PYROXD1: variants seen among roughly 807,000 people sequenced by gnomAD.
PYROXD1 encodes pyridine nucleotide-disulphide oxidoreductase domain 1.
Under a neutral mutation model 62.0 loss-of-function variants are expected in PYROXD1, and 42 were observed. The observed-to-expected ratio is 0.68, with a 90% confidence interval of 0.53 to 0.88. The LOEUF (loss-of-function observed/expected upper bound fraction) is 0.88, where lower values mean the gene tolerates loss of function less well. Among genes scored for constraint, PYROXD1 ranks in the 40% least tolerant of loss-of-function variants. The probability of loss-of-function intolerance (pLI) is 0.00; values close to 1 mark genes in which losing one functional copy is unlikely to be tolerated. For missense variants in PYROXD1, 493 were observed against 604.8 expected (o/e 0.82, Z 1.94); for synonymous variants, 170 against 206.4 (o/e 0.82, Z 1.51).
chr12:21,445,769 G>C (rs1942375088), intron 3 of PYROXD1, among the ~76,000 whole-genome samples: 1 of 152,038 alleles, frequency 6.6e-6, no homozygotes, highest in Admixed American at 6.5e-5. Context: ...CGAGGTGTTG[G>C]CTCCTAGGAA....
intron 2 of PYROXD1, chr12:21,441,173 C>T (rs7131809): frequency 0.38 from 58,102 of 152,090 alleles, 11,339 homozygotes; most frequent in Middle Eastern, 0.48. Context: ...CAGGCGCCCG[C>T]AACCATGCCC....
Position 21,454,908 on chromosome 12 carries a change from C to G in PYROXD1, c.489-224C>G, listed in dbSNP as rs561061779. 3 of 314,896 alleles carry G rather than the reference C, an allele frequency of 9.5e-6. No homozygotes were observed. The East Asian group carries it at 1.5e-4, about 16-fold the overall frequency. 19.5% of individuals were successfully genotyped at this position (314,896 alleles called of 1,614,324 possible). Reference sequence around the variant, plus strand: ...TGATATTCAGTACATGTATTTGTCACTTAAAGGTTCTTTCTGTAAACTGCT... The same window carrying G: ...TGATATTCAGTACATGTATTTGTCAGTTAAAGGTTCTTTCTGTAAACTGCT... On this transcript the variant is annotated intron_variant, in intron 5 of 11. Coordinates refer to ENST00000240651, the MANE Select transcript of PYROXD1 (RefSeq NM_024854.5).
At chr12:21,462,672 T>C (rs1403981174) in intron 9 of PYROXD1, 68 bp from the exon 10 acceptor site, 55 of 1,551,120 alleles carry the variant, frequency 3.5e-5, no homozygotes, top group Non-Finnish European at 4.6e-5. Flanking sequence ...ATTTGTTCTT[T>C]TACTTTAAAA....
At chr12:21,462,327 T>C (rs1415115880) in intron 9 of PYROXD1, among the ~76,000 whole-genome samples, 4 of 152,192 alleles carry the variant, frequency 2.6e-5, no homozygotes, top group Non-Finnish European at 2.9e-5. Flanking sequence ...ATAAGCGTCA[T>C]CAGTAATGGT....
chr12:21,456,923 C>T (rs773547349), intron 7 of PYROXD1: 6 of 450,500 alleles, frequency 1.3e-5, no homozygotes, highest in South Asian at 6.3e-5. Flanking sequence ...ACGTTCTTTG[C>T]TCATCCATGA....
At chr12:21,458,081 C>T (rs1002894642) in intron 7 of PYROXD1, among the ~76,000 whole-genome samples, 1 of 152,192 alleles carries the variant, frequency 6.6e-6, no homozygotes, top group Non-Finnish European at 1.5e-5. Context: ...CAGGCATTGA[C>T]TTCTCCTCTA....
chr12:21,469,415 C>T lies in PYROXD1; in HGVS notation c.*661C>T, dbSNP rs1942872073. 1 of 151,196 alleles carries T rather than the reference C, an allele frequency of 6.6e-6. No individual in the cohort carries two copies. Among genetic ancestry groups the T allele is most frequent in the African/African-American group, 2.4e-5 (1 of 41,140 alleles). The allele number at this position is 151,196 out of a possible 1,614,324, so 9.4% of individuals were successfully genotyped here. A position where few individuals can be genotyped will look rare whatever the true frequency, so the allele number is the denominator to read the frequency against. The stretch of plus-strand genomic sequence containing the variant: ...GCTCATCAGCTATCGTCAGTGTTAG[C>T]ATATTTTATGTGCGGCCCAAGACAA... On this transcript the variant is annotated 3_prime_UTR_variant, in exon 12 of 12. Transcript: ENST00000240651.
chr12:21,465,004 A>C (rs571242681), intron 10 of PYROXD1, among the ~76,000 whole-genome samples: 62 of 149,536 alleles, frequency 4.1e-4, no homozygotes, highest in African/African-American at 1.5e-3. Context: ...TGAACTCATC[A>C]TTTTTTATGG....
At position 21,439,605 on chromosome 12, in the gene PYROXD1, T is replaced by TA. The variant is rs200941252; in HGVS notation, c.85-753dup. Among the ~76,000 whole-genome samples, 269 of 151,064 alleles carry TA rather than the reference T, an allele frequency of 1.8e-3. 2 individuals carry two copies. Among genetic ancestry groups the TA allele is most frequent in the African/African-American group, 6.2e-3 (257 of 41,256 alleles). ...CAACATGGCAAGATCCCATCTCCATTAAAAAAAAAATAAATAATCCCTTGG... is the reference window on the plus strand; with the variant it reads ...CAACATGGCAAGATCCCATCTCCATTAAAAAAAAAAATAAATAATCCCTTGG... On this transcript the variant is annotated intron_variant, in intron 1 of 11. Coordinates refer to ENST00000240651, the MANE Select transcript of PYROXD1 (RefSeq NM_024854.5).
chr12:21,452,187 AAATTG>A, intron 5 of PYROXD1, 33 bp downstream of exon 5: 1 of 1,269,664 alleles, frequency 7.9e-7, no homozygotes, highest in Non-Finnish European at 1.0e-6. Flanking sequence ...GATAACATTT[AAATTG>A]TTTAAAAATA....
chr12:21,440,286 G>A, intron 1 of PYROXD1, 82 bp from the exon 2 acceptor site: 2 of 726,526 alleles, frequency 2.8e-6, no homozygotes, highest in South Asian at 3.8e-5. Context: ...TATTAAAATT[G>A]CATTATTCTC....
At chr12:21,448,087 A>G in intron 3 of PYROXD1, 1 of 625,708 alleles carries the variant, frequency 1.6e-6, no homozygotes, top group Non-Finnish European at 3.1e-6. Flanking sequence ...GGGCCACTCA[A>G]CATGGCTTTT....
At chr12:21,456,752 G>C (rs1258886603) in intron 7 of PYROXD1, 2 of 360,766 alleles carry the variant, frequency 5.5e-6, no homozygotes, top group African/African-American at 4.3e-5. Context: ...AGCGTGCGAA[G>C]CTGTTTTATA....
chr12:21,442,845 T>A (rs1942320981), intron 2 of PYROXD1, among the ~76,000 whole-genome samples: 1 of 152,234 alleles, frequency 6.6e-6, no homozygotes, highest in East Asian at 1.9e-4. Context: ...TGATAGCCTC[T>A]GCCTTTCTTT....
Position 21,455,750 on chromosome 12 carries a change from G to A in PYROXD1, c.650-245G>A, listed in dbSNP as rs939846343. On this transcript the variant is annotated intron_variant, in intron 6 of 11. Coordinates refer to ENST00000240651, the MANE Select transcript of PYROXD1 (RefSeq NM_024854.5). The stretch of plus-strand genomic sequence containing the variant: ...AATTTTCTTACCCTTCCAGTTAACC[G>A]TGTAACATCCAAAACGTAAGTTGAG... 4.0e-5 allele frequency among the ~76,000 whole-genome samples: 6 copies of A among 151,896 alleles called. No individual in the cohort carries two copies. In the East Asian group the frequency reaches 5.8e-4, roughly 15 times the overall value.
chr12:21,470,572 A>G lies in PYROXD1; in HGVS notation c.*1818A>G, dbSNP rs1319488802. 4.0e-6 allele frequency: 2 copies of G among 506,232 alleles called. No individual in the cohort carries two copies. Among genetic ancestry groups the G allele is most frequent in the East Asian group, 8.0e-5 (2 of 24,846 alleles). The allele number at this position is 506,232 out of a possible 1,614,324, so 31.4% of individuals were successfully genotyped here. Reference sequence around the variant, plus strand: ...TTCTAAAGACCTCAAATGTCCTTAGACACAATGGCACTTGACTTGACATGC... The same window carrying G: ...TTCTAAAGACCTCAAATGTCCTTAGGCACAATGGCACTTGACTTGACATGC... On this transcript the variant is annotated 3_prime_UTR_variant, in exon 12 of 12. Transcript: ENST00000240651.
chr12:21,461,287 C>A, intron 8 of PYROXD1, 133 bp downstream of exon 8: 1 of 582,998 alleles, frequency 1.7e-6, no homozygotes, highest in Non-Finnish European at 2.7e-6. Flanking sequence ...AAAATAAAAC[C>A]ATAATTTAAT....
At chr12:21,439,612 AAAAT>A (rs1213601144) in intron 1 of PYROXD1, among the ~76,000 whole-genome samples, 2 of 151,472 alleles carry the variant, frequency 1.3e-5, no homozygotes, top group South Asian at 2.1e-4. Flanking sequence ...CATTAAAAAA[AAAAT>A]AAATAATCCC....
At chr12:21,440,313 T>C in intron 1 of PYROXD1, 55 bp from the exon 2 acceptor site, 1 of 965,920 alleles carries the variant, frequency 1.0e-6, no homozygotes. Flanking sequence ...AAACCATATA[T>C]ACCAGTACTT....
Sources: gnomAD v4.1 joint callset for allele counts (sites outside exome capture counted in the v4.1 genomes callset) on GRCh38, gnomAD v4.1.1 for gene constraint, MANE v1.5 for transcripts, NCBI Gene and HGNC (gene_info 2026-07-23, HGNC 2026-07-21) for gene names.